The following NMRAL1 variants were observed in gnomAD, a reference collection of about 807,000 sequenced individuals.
NMRAL1 encodes NmrA like redox sensor 1.
NMRAL1 carries 32 observed loss-of-function variants against 27.5 expected under a neutral mutation model. The ratio of observed to expected loss-of-function variants is 1.16; its 90% CI spans 0.88 to 1.56. The LOEUF is 1.56. Ranked by LOEUF, NMRAL1 falls within the 40% of genes most tolerant of loss-of-function variation. NMRAL1 has a pLI of 0.00. For missense variants in NMRAL1, 420 were observed against 392.0 expected (o/e 1.07, Z -0.60); for synonymous variants, 166 against 166.8 (o/e 1.00, Z 0.04).
intron 2 of NMRAL1, chr16:4,469,721 G>T (rs963186677): frequency 1.6e-6 from 1 of 630,624 alleles, no homozygotes; most frequent in Non-Finnish European, 2.6e-6. Flanking sequence ...ACAAAAATTA[G>T]CTGGGTGTGA....
intron 5 of NMRAL1, among the ~76,000 whole-genome samples, chr16:4,462,678 C>T (rs924155816): frequency 1.3e-5 from 2 of 152,014 alleles, no homozygotes; most frequent in African/African-American, 4.8e-5. Context: ...GTTAGGCCCA[C>T]CACGCCGGGC....
At chr16:4,472,743 C>CAA (rs1351049797) in intron 2 of NMRAL1, among the ~76,000 whole-genome samples, 5 of 77,040 alleles carry the variant, frequency 6.5e-5, no homozygotes, top group African/African-American at 1.6e-4. Context: ...GACTCTGTCT[C>CAA]AAAAAAAAAA....
chr16:4,469,131 C>G, intron 3 of NMRAL1, 96 bp downstream of exon 3: 1 of 778,500 alleles, frequency 1.3e-6, no homozygotes, highest in Non-Finnish European at 2.3e-6. Context: ...AGGGAAAGGC[C>G]TGCAGTGCTC....
At chr16:4,472,350 G>A (rs532280143) in intron 2 of NMRAL1, among the ~76,000 whole-genome samples, 2 of 152,110 alleles carry the variant, frequency 1.3e-5, no homozygotes, top group East Asian at 1.9e-4. Flanking sequence ...GCTGAGGCAG[G>A]AGAATTGCTT....
chr16:4,468,145 C>A (rs894035279), intron 3 of NMRAL1, among the ~76,000 whole-genome samples: 1 of 151,380 alleles, frequency 6.6e-6, no homozygotes, highest in Non-Finnish European at 1.5e-5. Context: ...ACTAAAAATA[C>A]AAAAAAATTA....
intron 5 of NMRAL1, 150 bp downstream of exon 5, chr16:4,463,510 C>G (rs926953475): frequency 3.1e-6 from 2 of 652,204 alleles, no homozygotes; most frequent in South Asian, 2.1e-5. Flanking sequence ...GGCCAGTTAG[C>G]TCCTGGAACA....
At chr16:4,467,170 G>A (rs2057362468) in intron 3 of NMRAL1, 1 of 152,174 alleles carries the variant, frequency 6.6e-6, no homozygotes, top group African/African-American at 2.4e-5. Context: ...GTGGCCACAA[G>A]CCCAGGAACA....
intron 2 of NMRAL1, among the ~76,000 whole-genome samples, chr16:4,470,252 C>T (rs1268055831): frequency 6.7e-6 from 1 of 149,780 alleles, no homozygotes; most frequent in Admixed American, 6.7e-5. Flanking sequence ...GGTAGATCAC[C>T]TGAAGTTGGG....
At chr16:4,465,354 G>C (rs1378748936) in intron 4 of NMRAL1, among the ~76,000 whole-genome samples, 1 of 152,210 alleles carries the variant, frequency 6.6e-6, no homozygotes, top group Non-Finnish European at 1.5e-5. Flanking sequence ...GGAGTGGCCA[G>C]CCAGAGGCAC....
At position 4,463,741 on chromosome 16, in the gene NMRAL1, C is replaced by T; in HGVS notation, c.639G>A (p.Gly213=). 6.2e-6 allele frequency: 10 copies of T among 1,614,086 alleles called. No homozygotes were observed. Among genetic ancestry groups the T allele is most frequent in the Non-Finnish European group, 8.5e-6 (10 of 1,180,026 alleles). The change falls in exon 5 of 6, where the codon GGG becomes GGA. Residue 213 remains glycine (G), a synonymous_variant. Coordinates refer to ENST00000283429, the MANE Select transcript of NMRAL1 (RefSeq NM_020677.6). ...MPEKYVGQNI[G]LSTCRHTAEE... ...CGGCCGTGTGCCTGCAAGTGCTCAG[C>T]CCGATGTTCTGGCCGACGTATTTTT...
At chr16:4,468,985 A>AC (rs948817227) in intron 3 of NMRAL1, among the ~76,000 whole-genome samples, 14 of 151,850 alleles carry the variant, frequency 9.2e-5, no homozygotes, top group South Asian at 4.2e-4. Flanking sequence ...AAAAAAAAAA[A>AC]AACAAACGAA....
chr16:4,466,368 C>T lies in NMRAL1; in HGVS notation c.314G>A (p.Gly105Asp). 6.2e-7 allele frequency: 1 copy of T among 1,613,232 alleles called. No homozygotes were observed. ...GCCGCTGTAGACCACATAGTGGAGG[C>T]CCAGGCGCCTGGCCAGATCAGCGAG... ...KLLADLARRL[G>D]LHYVVYSGLE... is the part of the protein sequence containing the mutation. The change falls in exon 4 of 6, where the codon GGC becomes GAC. Residue 105 changes from glycine (G) to aspartate (D), a missense_variant. By Grantham distance (94) the Gly-to-Asp change is moderately conservative (BLOSUM62 -1). Coordinates refer to ENST00000283429, the MANE Select transcript of NMRAL1 (RefSeq NM_020677.6).
At chr16:4,462,324 C>G (rs942530475) in intron 5 of NMRAL1, among the ~76,000 whole-genome samples, 2 of 151,866 alleles carry the variant, frequency 1.3e-5, no homozygotes, top group African/African-American at 2.4e-5. Flanking sequence ...TTCAAAAATA[C>G]AAAAATTAGC....
At position 4,470,352 on chromosome 16, in the gene NMRAL1, C is replaced by G. The variant is rs146303465; in HGVS notation, c.41-887G>C. ...AGGCGTGGTGGCACATGCCTGTAAT[C>G]CCAGCTACTCGAGAGGCTGAGGCAG... On this transcript the variant is annotated intron_variant, in intron 2 of 5. Coordinates refer to ENST00000283429, the MANE Select transcript of NMRAL1 (RefSeq NM_020677.6). Among the ~76,000 whole-genome samples the G allele has an allele frequency of 2.1e-3, 312 of 151,728 alleles. 1 individual carries two copies. The highest frequency in any genetic ancestry group is 7.0e-3 in the African/African-American group (289 of 41,356).
chr16:4,473,905 G>A (rs1316722682), intron 2 of NMRAL1, among the ~76,000 whole-genome samples, 188 bp downstream of exon 2: 2 of 151,772 alleles, frequency 1.3e-5, no homozygotes, highest in East Asian at 1.9e-4. Flanking sequence ...CAGCCTGGGT[G>A]ACAGAGCAAA....
chr16:4,461,970 A>C lies in NMRAL1; in HGVS notation c.721-11T>G. 1 of 1,606,848 alleles carries C rather than the reference A, an allele frequency of 6.2e-7. No individual in the cohort carries two copies. Among genetic ancestry groups the C allele is most frequent in the South Asian group, 1.1e-5 (1 of 90,244 alleles). Reference sequence around the variant, plus strand: ...GTCCTCAGGAGTCATCTGGAAGCAGAGGAGCCTGTCGTGGCCGGCGTCCTC... The same window carrying C: ...GTCCTCAGGAGTCATCTGGAAGCAGCGGAGCCTGTCGTGGCCGGCGTCCTC... On this transcript the variant is annotated splice_polypyrimidine_tract_variant and intron_variant, in intron 5 of 5. Coordinates refer to ENST00000283429, the MANE Select transcript of NMRAL1 (RefSeq NM_020677.6).
chr16:4,466,709 A>G (rs2057344381), intron 3 of NMRAL1: 1 of 375,572 alleles, frequency 2.7e-6, no homozygotes. Flanking sequence ...CACACGTCCC[A>G]TCTCTGCTGG....
chr16:4,465,232 ATGG>A (rs895982410), intron 4 of NMRAL1, among the ~76,000 whole-genome samples: 5 of 152,184 alleles, frequency 3.3e-5, no homozygotes, highest in African/African-American at 4.8e-5. Flanking sequence ...ACTATAATAA[ATGG>A]TGGTACCAAA....
chr16:4,474,253 G>C (rs1290367839), intron 1 of NMRAL1, 87 bp from the exon 2 acceptor site: 9 of 969,152 alleles, frequency 9.3e-6, no homozygotes, highest in Admixed American at 4.3e-5. Flanking sequence ...TCTATGCATC[G>C]AGTATGTGTC....
Sources: gnomAD v4.1 joint callset for allele counts (sites outside exome capture counted in the v4.1 genomes callset) on GRCh38, gnomAD v4.1.1 for gene constraint, MANE v1.5 for transcripts, NCBI Gene and HGNC (gene_info 2026-07-23, HGNC 2026-07-21) for gene names.